The following PLCXD3 variants were observed in gnomAD, a reference collection of about 807,000 sequenced individuals.
The protein encoded by PLCXD3 is phosphatidylinositol specific phospholipase C X domain containing 3.
PLCXD3 carries 19 observed loss-of-function variants against 25.5 expected under a neutral mutation model. The ratio of observed to expected loss-of-function variants is 0.75; its 90% CI spans 0.52 to 1.09. The LOEUF is 1.09. Among genes scored for constraint, PLCXD3 ranks in the 50% least tolerant of loss-of-function variants. The pLI is 0.00. For missense variants in PLCXD3, 411 were observed against 388.1 expected (o/e 1.06, Z -0.50); for synonymous variants, 174 against 137.6 (o/e 1.26, Z -1.85).
intron 1 of PLCXD3, among the ~76,000 whole-genome samples, chr5:41,501,046 A>G (rs1018985826): frequency 6.6e-6 from 1 of 151,964 alleles, no homozygotes; most frequent in Non-Finnish European, 1.5e-5. Flanking sequence ...TATCAAAAAT[A>G]TATAAAATAA....
At chr5:41,499,210 C>G (rs1323417836) in intron 1 of PLCXD3, among the ~76,000 whole-genome samples, 1 of 151,190 alleles carries the variant, frequency 6.6e-6, no homozygotes, top group Non-Finnish European at 1.5e-5. Context: ...AAGGAAGTAG[C>G]AAAATTATCT....
At chr5:41,505,241 G>A (rs1749030391) in intron 1 of PLCXD3, among the ~76,000 whole-genome samples, 1 of 151,926 alleles carries the variant, frequency 6.6e-6, no homozygotes, top group Non-Finnish European at 1.5e-5. Context: ...GTGTGTGTGT[G>A]TGAAGTTTAA....
chr5:41,426,933 A>T (rs1165525910), intron 1 of PLCXD3, among the ~76,000 whole-genome samples: 2 of 152,124 alleles, frequency 1.3e-5, no homozygotes, highest in African/African-American at 4.8e-5. Flanking sequence ...TGGTATCAGT[A>T]TTTCACAGGT....
chr5:41,492,419 T>G (rs1289993585), intron 1 of PLCXD3, among the ~76,000 whole-genome samples: 1 of 152,050 alleles, frequency 6.6e-6, no homozygotes. Flanking sequence ...TGTCTTGGAG[T>G]TGCTCTTCTT....
At chr5:41,433,552 G>A (rs1244751704) in intron 1 of PLCXD3, among the ~76,000 whole-genome samples, 4 of 152,106 alleles carry the variant, frequency 2.6e-5, no homozygotes, top group African/African-American at 9.7e-5. Context: ...TAATTTCTCA[G>A]TAACCTCTGA....
intron 1 of PLCXD3, among the ~76,000 whole-genome samples, chr5:41,463,803 G>A (rs903924250): frequency 1.4e-4 from 21 of 151,786 alleles, no homozygotes; most frequent in South Asian, 2.1e-4. Context: ...AATTCACTAC[G>A]AATGGCCTTT....
At chr5:41,357,674 T>C (rs1270810745) in intron 2 of PLCXD3, among the ~76,000 whole-genome samples, 1 of 152,224 alleles carries the variant, frequency 6.6e-6, no homozygotes, top group Non-Finnish European at 1.5e-5. Context: ...CAAGTCTATA[T>C]TGTAATGTCT....
At chr5:41,414,251 T>C (rs1746638184) in intron 1 of PLCXD3, among the ~76,000 whole-genome samples, 1 of 152,068 alleles carries the variant, frequency 6.6e-6, no homozygotes, top group South Asian at 2.1e-4. Context: ...ATTATTTTTT[T>C]GAGATGGAGT....
At chr5:41,497,693 T>C (rs1303360684) in intron 1 of PLCXD3, among the ~76,000 whole-genome samples, 3 of 151,780 alleles carry the variant, frequency 2.0e-5, no homozygotes, top group East Asian at 1.9e-4. Flanking sequence ...AACAAACATA[T>C]ACAGAACATT....
intron 2 of PLCXD3, among the ~76,000 whole-genome samples, chr5:41,352,224 A>G (rs927868744): frequency 6.6e-6 from 1 of 152,122 alleles, no homozygotes; most frequent in Non-Finnish European, 1.5e-5. Flanking sequence ...CCTCCCCCAT[A>G]TGAGTTTAGT....
At chr5:41,419,006 C>T (rs555920059) in intron 1 of PLCXD3, among the ~76,000 whole-genome samples, 1 of 152,294 alleles carries the variant, frequency 6.6e-6, no homozygotes, top group African/African-American at 2.4e-5. Context: ...GGAGGAGTGA[C>T]TGAGGCCACA....
At chr5:41,400,247 A>G (rs936510167) in intron 1 of PLCXD3, among the ~76,000 whole-genome samples, 3 of 152,150 alleles carry the variant, frequency 2.0e-5, no homozygotes, top group Non-Finnish European at 2.9e-5. Context: ...TGGGAATGTA[A>G]ATTAGTGCAA....
At position 41,489,529 on chromosome 5, in the gene PLCXD3, A is replaced by C. The variant is rs374005259; in HGVS notation, c.103+20895T>G. On this transcript the variant is annotated intron_variant, in intron 1 of 2. Coordinates refer to ENST00000377801, the MANE Select transcript of PLCXD3 (RefSeq NM_001005473.3). Reference sequence around the variant, plus strand: ...TGTAAATTACCTTGGGCAGTATGGCAATTTTCACAATATTGATTCTTCCTA... The same window carrying C: ...TGTAAATTACCTTGGGCAGTATGGCCATTTTCACAATATTGATTCTTCCTA... Among the ~76,000 whole-genome samples, 308 of 152,258 alleles carry C rather than the reference A, an allele frequency of 2.0e-3. 1 individual carries two copies. Among genetic ancestry groups the C allele is most frequent in the East Asian group, 5.4e-3 (28 of 5,182 alleles).
intron 1 of PLCXD3, among the ~76,000 whole-genome samples, chr5:41,495,500 G>T (rs1748814714): frequency 6.6e-6 from 1 of 152,170 alleles, no homozygotes; most frequent in African/African-American, 2.4e-5. Context: ...GAATATCCTG[G>T]CTTTGGGGAC....
chr5:41,494,035 C>T (rs183655275), intron 1 of PLCXD3, among the ~76,000 whole-genome samples: 20 of 152,336 alleles, frequency 1.3e-4, no homozygotes, highest in African/African-American at 2.2e-4. Flanking sequence ...GCGTTGCTCA[C>T]GCTGGGAGCT....
chr5:41,491,822 G>T (rs927500118), intron 1 of PLCXD3, among the ~76,000 whole-genome samples: 1 of 152,056 alleles, frequency 6.6e-6, no homozygotes, highest in Non-Finnish European at 1.5e-5. Flanking sequence ...TTGAGCCTAT[G>T]TGTGTCTCTG....
Position 41,313,651 on chromosome 5 carries a change from T to C in PLCXD3, c.932A>G (p.Asn311Ser), listed in dbSNP as rs142540406. Reference sequence around the variant, plus strand: ...GGCTTCTCCTTCATCAAAGACATAGTTGAGCTTTATGACAGTGCTGATAAA... The same window carrying C: ...GGCTTCTCCTTCATCAAAGACATAGCTGAGCTTTATGACAGTGCTGATAAA... ...GDFISTVIKL[N>S]YVFDEGEANT The change falls in exon 3 of 3, where the codon AAC becomes AGC. Residue 311 changes from asparagine (N) to serine (S), a missense_variant. Coordinates refer to ENST00000377801, the MANE Select transcript of PLCXD3 (RefSeq NM_001005473.3). 2.5e-6 allele frequency: 4 copies of C among 1,613,916 alleles called. No individual in the cohort carries two copies. The highest frequency in any genetic ancestry group is 2.7e-5 in the African/African-American group (2 of 75,024).
At chr5:41,483,275 T>C (rs1398162829) in intron 1 of PLCXD3, among the ~76,000 whole-genome samples, 4 of 152,182 alleles carry the variant, frequency 2.6e-5, no homozygotes, top group African/African-American at 4.8e-5. Context: ...AAATCCCAGT[T>C]ACTTGAGAGA....
chr5:41,320,373 A>G (rs1312916802), intron 2 of PLCXD3, among the ~76,000 whole-genome samples: 2 of 152,256 alleles, frequency 1.3e-5, no homozygotes, highest in African/African-American at 4.8e-5. Flanking sequence ...AAAATTCTTA[A>G]CAAAACACTA....
Sources: allele counts gnomAD v4.1 joint callset (sites outside exome capture counted in the v4.1 genomes callset), GRCh38; gene constraint gnomAD v4.1.1; transcripts MANE v1.5; gene names NCBI Gene and HGNC (gene_info 2026-07-23, HGNC 2026-07-21).